The following GLB1L2 variants were observed in gnomAD, a reference collection of about 807,000 sequenced individuals.
GLB1L2 encodes beta-galactosidase-1-like protein 2.
GLB1L2 carries 68 observed loss-of-function variants against 84.1 expected under a neutral mutation model. That is an observed-to-expected ratio of 0.81 (90% CI 0.67 to 0.99). The LOEUF is 0.99. Among genes scored for constraint, GLB1L2 ranks in the 50% least tolerant of loss-of-function variants. The probability of loss-of-function intolerance (pLI) is 0.00; values close to 1 mark genes in which losing one functional copy is unlikely to be tolerated. For missense variants in GLB1L2, 762 were observed against 805.6 expected, an observed-to-expected ratio of 0.95 and a Z score of 0.66; for synonymous variants, 290 against 318.0, an observed-to-expected ratio of 0.91 and a Z score of 0.94.
At chr11:134,345,587 C>T (rs1313399453) in intron 4 of GLB1L2, among the ~76,000 whole-genome samples, 4 of 152,230 alleles carry the variant, frequency 2.6e-5, no homozygotes, top group Non-Finnish European at 5.9e-5. Context: ...TCTCCTGCCT[C>T]AGCCTCCCGA....
chr11:134,367,259 G>A lies in GLB1L2; in HGVS notation c.807G>A (p.Gly269=). ...AACTCTCATTTTGTGGTGTCCAGGGGACTCAGCCCAAGATGGTGATGGAGT... is the reference window on the plus strand; with the variant it reads ...AACTCTCATTTTGTGGTGTCCAGGGAACTCAGCCCAAGATGGTGATGGAGT... ...LLTTFLFNVQ[G]TQPKMVMEYW... The change falls in exon 9 of 19, where the codon GGG becomes GGA. Residue 269 remains glycine, a splice_region_variant and synonymous_variant. Coordinates refer to ENST00000535456, the MANE Select transcript of GLB1L2 (RefSeq NM_001370461.1). The A allele has an allele frequency of 3.1e-6, 5 of 1,613,856 alleles. No homozygotes were observed. The highest frequency in any genetic ancestry group is 4.2e-6 in the Non-Finnish European group (5 of 1,179,782).
chr11:134,371,216 C>T lies in GLB1L2; in HGVS notation c.1356+68C>T, dbSNP rs1054847147. On this transcript the variant is annotated intron_variant, in intron 13 of 18. Transcript: ENST00000535456. ...AGCTCTGCAATAGGCGTCTCATGCC[C>T]TCCCCTCAGAATCAGCTCTTACCAG... 5.7e-6 allele frequency: 9 copies of T among 1,567,880 alleles called. No homozygotes were observed. The Middle Eastern group carries it at 1.2e-3, about 208-fold the overall frequency.
rs1943422231 is a variant in GLB1L2 at position 134,338,700 on chromosome 11, G to T, written c.87-4054G>T. On this transcript the variant is annotated intron_variant, in intron 1 of 18. Coordinates refer to ENST00000535456, the MANE Select transcript of GLB1L2 (RefSeq NM_001370461.1). This position sits in a 1 kb window ranked among gnomAD's most constrained non-coding sequence, Gnocchi z 6.2. ...CAGGTTTCCATTGCAACCAATTTTT[G>T]TGTCTGCAGCTTGCCCAGCCTTCAG... 6.6e-6 allele frequency among the ~76,000 whole-genome samples: 1 copy of T among 152,210 alleles called. No individual in the cohort carries two copies. Among genetic ancestry groups the T allele is most frequent in the Non-Finnish European group, 1.5e-5 (1 of 68,048 alleles).
At chr11:134,354,144 A>C (rs1045062942) in intron 5 of GLB1L2, among the ~76,000 whole-genome samples, 1 of 151,456 alleles carries the variant, frequency 6.6e-6, no homozygotes, top group Non-Finnish European at 1.5e-5. Flanking sequence ...CTTTGTATCT[A>C]GTTGATTTTT....
Position 134,374,995 on chromosome 11 carries a change from G to A in GLB1L2, c.1848G>A (p.Met616Ile). 3.1e-6 allele frequency: 5 copies of A among 1,613,816 alleles called. No individual in the cohort carries two copies. Among genetic ancestry groups the A allele is most frequent in the Non-Finnish European group, 4.2e-6 (5 of 1,179,940 alleles). ...INQVIVFEETMAGPALQFTET... is the reference protein window; with the variant it reads ...INQVIVFEETIAGPALQFTET... ...AGGTCATCGTTTTTGAGGAGACGATGGCGGGCCCTGCATTACAGTTCACGG... is the reference window on the plus strand; with the variant it reads ...AGGTCATCGTTTTTGAGGAGACGATAGCGGGCCCTGCATTACAGTTCACGG... The change falls in exon 19 of 19, where the codon ATG becomes ATA. Residue 616 changes from methionine (M) to isoleucine (I), a missense_variant. By Grantham distance (10) the Met-to-Ile change is conservative. Coordinates refer to ENST00000535456, the MANE Select transcript of GLB1L2 (RefSeq NM_001370461.1).
chr11:134,343,000 C>T (rs1943491558), intron 2 of GLB1L2, 49 bp downstream of exon 2: 1 of 1,551,768 alleles, frequency 6.4e-7, no homozygotes, highest in Admixed American at 1.9e-5. Flanking sequence ...AGCAGGGCGC[C>T]TGGTGTCTGC....
Position 134,356,349 on chromosome 11 carries a change from G to T in GLB1L2, c.607G>T (p.Gly203Cys). 6.2e-7 allele frequency: 1 copy of T among 1,614,016 alleles called. No individual in the cohort carries two copies. Among genetic ancestry groups the T allele is most frequent in the Non-Finnish European group, 8.5e-7 (1 of 1,179,946 alleles). ...TGCCGTGCAGGTGGAGAATGAATAT[G>T]GTTCCTATAATAAAGACCCCGCATA... ...IIAVQVENEY[G>C]SYNKDPAYMP... The change falls in exon 6 of 19, where the codon GGT becomes TGT. Residue 203 changes from glycine to cysteine, a missense_variant. Around this residue, in one of 3 missense-constraint regions of GLB1L2, gnomAD observed 603 missense variants for 611.7 expected, o/e 0.99. Transcript: ENST00000535456.
intron 7 of GLB1L2, chr11:134,359,972 G>C (rs1410170627): frequency 6.6e-6 from 1 of 152,272 alleles, no homozygotes; most frequent in Non-Finnish European, 1.5e-5. Flanking sequence ...TCCTTCGTGG[G>C]GCTCACTCAA....
At chr11:134,356,075 C>T (rs1477938399) in intron 5 of GLB1L2, 1 of 655,486 alleles carries the variant, frequency 1.5e-6, no homozygotes, top group East Asian at 3.1e-5. Context: ...TAAATGGTTT[C>T]CAGAGCTCCT....
chr11:134,368,804 C>T, intron 10 of GLB1L2, 23 bp downstream of exon 10: 1 of 1,612,056 alleles, frequency 6.2e-7, no homozygotes, highest in Non-Finnish European at 8.5e-7. Context: ...CAGCACTGCT[C>T]TCCCTGGTCT....
intron 2 of GLB1L2, 32 bp from the exon 3 acceptor site, chr11:134,344,355 G>A: frequency 6.2e-7 from 1 of 1,612,718 alleles, no homozygotes; most frequent in Non-Finnish European, 8.5e-7. Flanking sequence ...TGAATGACAT[G>A]CTCTAGCCTA....
At position 134,338,504 on chromosome 11, in the gene GLB1L2, G is replaced by A. The variant is rs577450265; in HGVS notation, c.87-4250G>A. ...TGCCCTTTTCCATCCACTCACATCC[G>A]GGAGCACTTTTTACTACACCTGGAA... On this transcript the variant is annotated intron_variant, in intron 1 of 18. Coordinates refer to ENST00000535456, the MANE Select transcript of GLB1L2 (RefSeq NM_001370461.1). This position sits in a 1 kb window ranked among gnomAD's most constrained non-coding sequence, Gnocchi z 6.2. Among the ~76,000 whole-genome samples the A allele has an allele frequency of 3.3e-5, 5 of 152,130 alleles. No individual in the cohort carries two copies. Among genetic ancestry groups the A allele is most frequent in the South Asian group, 2.1e-4 (1 of 4,812 alleles).
At chr11:134,344,680 C>A (rs1208610233) in intron 3 of GLB1L2, among the ~76,000 whole-genome samples, 7 of 152,284 alleles carry the variant, frequency 4.6e-5, no homozygotes, top group African/African-American at 1.7e-4. Flanking sequence ...CACTGCAGCC[C>A]AGAGGGGCAG....
chr11:134,353,386 G>A (rs1213110176), intron 5 of GLB1L2, among the ~76,000 whole-genome samples: 1 of 152,136 alleles, frequency 6.6e-6, no homozygotes, highest in East Asian at 1.9e-4. Flanking sequence ...CTCCAGCCTG[G>A]GTGACAGAGC....
At chr11:134,369,462 T>A (rs1943911647) in intron 10 of GLB1L2, among the ~76,000 whole-genome samples, 1 of 143,924 alleles carries the variant, frequency 6.9e-6, no homozygotes, top group Non-Finnish European at 1.5e-5. Flanking sequence ...CCCAAAGTGC[T>A]GGGATTACAG....
chr11:134,362,009 G>A (rs947469787), intron 7 of GLB1L2, among the ~76,000 whole-genome samples: 16 of 152,214 alleles, frequency 1.1e-4, no homozygotes, highest in Admixed American at 8.5e-4. Flanking sequence ...ATGGTGGGCC[G>A]TGCGGGTTGT....
intron 7 of GLB1L2, among the ~76,000 whole-genome samples, chr11:134,363,306 G>A (rs910729404): frequency 6.6e-6 from 1 of 152,242 alleles, no homozygotes; most frequent in African/African-American, 2.4e-5. Flanking sequence ...CTTCCCCGGA[G>A]CCCCAGCTGT....
Position 134,370,488 on chromosome 11 carries a change from G to A in GLB1L2, c.1215+89G>A. On this transcript the variant is annotated intron_variant, in intron 12 of 18. Coordinates refer to ENST00000535456, the MANE Select transcript of GLB1L2 (RefSeq NM_001370461.1). The surrounding 1 kb of genome is among the most constrained non-coding windows in gnomAD (Gnocchi z 4.7). ...TGAGTGCTGGGGGCAGTCGTCGGCGGGAGGTGAGAGTCGTCGGGGCAGCAG... is the reference window on the plus strand; with the variant it reads ...TGAGTGCTGGGGGCAGTCGTCGGCGAGAGGTGAGAGTCGTCGGGGCAGCAG... 2 of 1,017,638 alleles carry A rather than the reference G, an allele frequency of 2.0e-6. No individual in the cohort carries two copies. Among genetic ancestry groups the A allele is most frequent in the Non-Finnish European group, 3.1e-6 (2 of 655,278 alleles). The allele number at this position is 1,017,638 out of a possible 1,614,324, so 63.0% of individuals were successfully genotyped here. A position where few individuals can be genotyped will look rare whatever the true frequency, so the allele number is the denominator to read the frequency against.
At chr11:134,343,668 G>A (rs111950132) in intron 2 of GLB1L2, among the ~76,000 whole-genome samples, 7 of 152,256 alleles carry the variant, frequency 4.6e-5, no homozygotes, top group Admixed American at 2.6e-4. Flanking sequence ...GAAACCTGCC[G>A]AGCCTTGACA....
Sources: allele counts gnomAD v4.1 joint callset (sites outside exome capture counted in the v4.1 genomes callset), GRCh38; gene constraint gnomAD v4.1.1; regional missense constraint gnomAD v4.1.1; non-coding constraint Gnocchi (gnomAD v3.1); transcripts MANE v1.5; gene names NCBI Gene and HGNC (gene_info 2026-07-23, HGNC 2026-07-21).